DRD3: variants seen among roughly 807,000 people sequenced by gnomAD.
The protein encoded by DRD3 is dopamine receptor D3.
DRD3 carries 19 observed loss-of-function variants against 36.3 expected under a neutral mutation model. That is an observed-to-expected ratio of 0.52 (90% CI 0.36 to 0.77). The LOEUF (loss-of-function observed/expected upper bound fraction) is 0.77, where lower values mean the gene tolerates loss of function less well. Among genes scored for constraint, DRD3 ranks in the 30% least tolerant of loss-of-function variants. DRD3 has a pLI of 0.00. For synonymous variants in DRD3, 195 were observed against 203.7 expected, an observed-to-expected ratio of 0.96 and a Z score of 0.36; for missense variants, 465 against 505.3, an observed-to-expected ratio of 0.92 and a Z score of 0.77.
At chr3:114,172,348 T>A (rs191070009) in intron 1 of DRD3, among the ~76,000 whole-genome samples, 1 of 152,272 alleles carries the variant, frequency 6.6e-6, no homozygotes, top group Non-Finnish European at 1.5e-5. Context: ...CGTATGTGAG[T>A]GAGTATCTGA....
chr3:114,170,862 A>G (rs894802907), intron 2 of DRD3, among the ~76,000 whole-genome samples: 1 of 152,242 alleles, frequency 6.6e-6, no homozygotes, highest in African/African-American at 2.4e-5. Flanking sequence ...GAGGAGAAAT[A>G]TTAATAGTAT....
intron 4 of DRD3, 49 bp downstream of exon 4, chr3:114,147,366 G>A: frequency 6.3e-7 from 1 of 1,593,714 alleles, no homozygotes; most frequent in Non-Finnish European, 8.6e-7. Flanking sequence ...CAGTCATTCA[G>A]CTGTGCTGTG....
chr3:114,135,742 T>A (rs948843739), intron 5 of DRD3, among the ~76,000 whole-genome samples: 15 of 152,140 alleles, frequency 9.9e-5, no homozygotes, highest in African/African-American at 3.6e-4. Context: ...CAGGCTGGAG[T>A]GTAGTGGTGA....
At chr3:114,183,826 C>T (rs1008293360), upstream of DRD3, among the ~76,000 whole-genome samples, 8 of 151,792 alleles carry the variant, frequency 5.3e-5, no homozygotes, top group Non-Finnish European at 1.0e-4. Context: ...TTCTTTTTCT[C>T]TTTTTTATTA....
chr3:114,151,371 C>T (rs1223352448), intron 3 of DRD3, among the ~76,000 whole-genome samples: 2 of 152,120 alleles, frequency 1.3e-5, no homozygotes, highest in African/African-American at 4.8e-5. Context: ...AGAGCCTGAC[C>T]CTTCTGTGTA....
intron 6 of DRD3, among the ~76,000 whole-genome samples, chr3:114,130,895 A>G (rs992417398): frequency 2.0e-5 from 3 of 152,222 alleles, no homozygotes; most frequent in African/African-American, 7.2e-5. Context: ...GCTCCATATA[A>G]TGGACAGCGC....
chr3:114,139,833 A>G lies in DRD3; in HGVS notation c.527-137T>C, dbSNP rs774929014. 57 of 717,194 alleles carry G rather than the reference A, an allele frequency of 7.9e-5. 2 individuals are homozygous for G. Among genetic ancestry groups the G allele is most frequent in the Non-Finnish European group, 1.1e-4 (48 of 434,308 alleles). 44.4% of individuals were successfully genotyped at this position (717,194 alleles called of 1,614,324 possible). On this transcript the variant is annotated intron_variant, in intron 4 of 6. Transcript: ENST00000383673. The stretch of plus-strand genomic sequence containing the variant: ...GGGTGGGAAGGATGCAGTCTCAGAT[A>G]CGTATACTGTCAGGTCCTTGAGGGT...
chr3:114,144,252 G>A (rs1289748726), intron 4 of DRD3, among the ~76,000 whole-genome samples: 5 of 152,218 alleles, frequency 3.3e-5, no homozygotes, highest in Non-Finnish European at 5.9e-5. Context: ...ACAATTTCGT[G>A]TGGCAGCCCA....
intron 3 of DRD3, among the ~76,000 whole-genome samples, chr3:114,150,714 C>G (rs1436261183): frequency 6.6e-6 from 1 of 152,156 alleles, no homozygotes; most frequent in African/African-American, 2.4e-5. Flanking sequence ...CTCCTTAACC[C>G]TTGTTGTGCA....
At chr3:114,193,051 G>T (rs984844906) in intron 1 of DRD3, among the ~76,000 whole-genome samples, 1 of 152,012 alleles carries the variant, frequency 6.6e-6, no homozygotes, top group Admixed American at 6.6e-5. Flanking sequence ...AGGCCGAGGC[G>T]GGTAGATCAC....
At chr3:114,171,047 A>G (rs1406615836) in intron 2 of DRD3, among the ~76,000 whole-genome samples, 1 of 152,208 alleles carries the variant, frequency 6.6e-6, no homozygotes, top group Non-Finnish European at 1.5e-5. Context: ...TTCAAATTTA[A>G]TAAATGTTTC....
chr3:114,161,799 ACATAGGACAGTTGCATACT>A (rs2077735785), intron 2 of DRD3, among the ~76,000 whole-genome samples: 1 of 152,266 alleles, frequency 6.6e-6, no homozygotes, highest in Non-Finnish European at 1.5e-5. Context: ...TTTCTTCATT[ACATAGGACAGTTGCATACT>A]GTAAAAGCGT....
chr3:114,175,324 T>A (rs2077887320), intron 1 of DRD3, among the ~76,000 whole-genome samples: 1 of 152,200 alleles, frequency 6.6e-6, no homozygotes, highest in African/African-American at 2.4e-5. Context: ...GCTGCAATTG[T>A]AAAGTATCTA....
rs61072823 is a variant in DRD3, at chr3:114,130,426, A to ATTTT, written c.1006+688_1006+691dup. ...TTACTCTGTATTTAAAATAATCTAGATTTTTTTTTTTTTTTTGAGATGGAG... is the reference window on the plus strand; with the variant it reads ...TTACTCTGTATTTAAAATAATCTAGATTTTTTTTTTTTTTTTTTTTGAGATGGAG... On this transcript the variant is annotated intron_variant, in intron 6 of 6. Coordinates refer to ENST00000383673, the MANE Select transcript of DRD3 (RefSeq NM_000796.6). 2.1e-4 allele frequency among the ~76,000 whole-genome samples: 29 copies of ATTTT among 137,134 alleles called. 1 individual carries two copies. Among genetic ancestry groups the ATTTT allele is most frequent in the African/African-American group, 5.7e-4 (21 of 36,986 alleles). 90.0% of individuals were successfully genotyped at this position (137,134 alleles called of 152,430 possible). A position where few individuals can be genotyped will look rare whatever the true frequency, so the allele number is the denominator to read the frequency against.
chr3:114,194,315 G>A (rs2078026160), intron 1 of DRD3, among the ~76,000 whole-genome samples: 3 of 152,012 alleles, frequency 2.0e-5, no homozygotes, highest in Admixed American at 1.3e-4. Flanking sequence ...CAGAGTCTCA[G>A]TCCATCACCC....
chr3:114,128,543 G>T lies in DRD3; in HGVS notation c.*173C>A. The T allele has an allele frequency of 1.9e-6, 1 of 536,780 alleles. No individual in the cohort carries two copies. Among genetic ancestry groups the T allele is most frequent in the Non-Finnish European group, 3.1e-6 (1 of 324,072 alleles). 33.3% of individuals were successfully genotyped at this position (536,780 alleles called of 1,614,324 possible). ...ATGAAGTCAGATTTTAGCTGGGGAGGTAGAATATTCTGTTTTGGAGGACAC... is the reference window on the plus strand; with the variant it reads ...ATGAAGTCAGATTTTAGCTGGGGAGTTAGAATATTCTGTTTTGGAGGACAC... On this transcript the variant is annotated 3_prime_UTR_variant, in exon 7 of 7. Coordinates refer to ENST00000383673, the MANE Select transcript of DRD3 (RefSeq NM_000796.6).
At chr3:114,159,685 C>G (rs2077714270) in intron 3 of DRD3, 70 bp downstream of exon 3, 2 of 1,300,636 alleles carry the variant, frequency 1.5e-6, no homozygotes. Flanking sequence ...CCAGTACCCT[C>G]AAGTGCACAA....
rs200345655 is a variant in DRD3 at position 114,178,774 on chromosome 3, A to C, written c.-153T>G. 44 of 152,326 alleles carry C rather than the reference A, an allele frequency of 2.9e-4. No homozygotes were observed. In the East Asian group the frequency reaches 6.6e-3, roughly 23 times the overall value. 9.4% of individuals were successfully genotyped at this position (152,326 alleles called of 1,614,324 possible). On this transcript the variant is annotated 5_prime_UTR_variant, in exon 1 of 7. Transcript: ENST00000383673. Reference sequence around the variant, plus strand: ...AAACTTTGCCTTTCTCAGGACTCAGAAACTATGAAATGAACAGAAAGAAAT... The same window carrying C: ...AAACTTTGCCTTTCTCAGGACTCAGCAACTATGAAATGAACAGAAAGAAAT...
At chr3:114,137,024 A>G (rs953710076) in intron 5 of DRD3, among the ~76,000 whole-genome samples, 1 of 152,218 alleles carries the variant, frequency 6.6e-6, no homozygotes, top group African/African-American at 2.4e-5. Context: ...TCCAGTCACT[A>G]AGGTCAAGTC....
Sources: gnomAD v4.1 joint callset for allele counts (sites outside exome capture counted in the v4.1 genomes callset) on GRCh38, gnomAD v4.1.1 for gene constraint, MANE v1.5 for transcripts, NCBI Gene and HGNC (gene_info 2026-07-23, HGNC 2026-07-21) for gene names.